EDARADD: variants seen among roughly 807,000 people sequenced by gnomAD.
EDARADD encodes ectodysplasin-A receptor-associated adapter protein.
EDARADD carries 20 observed loss-of-function variants against 25.6 expected under a neutral mutation model. That is an observed-to-expected ratio of 0.78 (90% CI 0.55 to 1.14). EDARADD has a LOEUF of 1.14. Ranked by LOEUF, EDARADD falls within the 50% of genes most tolerant of loss-of-function variation. The pLI, the probability that EDARADD is intolerant of heterozygous loss-of-function variation, is 0.00. For synonymous variants in EDARADD, 86 were observed against 94.4 expected, an observed-to-expected ratio of 0.91 and a Z score of 0.52; for missense variants, 225 against 270.1, an observed-to-expected ratio of 0.83 and a Z score of 1.17.
Position 236,377,123 on chromosome 1 carries a change from T to G in EDARADD, c.-6+26284T>G, listed in dbSNP as rs12075632. ...TTACAGCCCTTAACATATATATATT[T>G]TATATATATATATGTTATATATTTT... On this transcript the variant is annotated intron_variant, in intron 3 of 7. Transcript: ENST00000439430. 3.5e-3 allele frequency among the ~76,000 whole-genome samples: 509 copies of G among 146,896 alleles called. 4 individuals are homozygous for G. Among genetic ancestry groups the G allele is most frequent in the African/African-American group, 0.011 (457 of 40,252 alleles).
Position 236,398,124 on chromosome 1 carries a change from TTTA to T in EDARADD, c.61+3631_61+3633del, listed in dbSNP as rs1215958961. 6.6e-6 allele frequency among the ~76,000 whole-genome samples: 1 copy of T among 152,086 alleles called. No individual in the cohort carries two copies. Among genetic ancestry groups the T allele is most frequent in the Non-Finnish European group, 1.5e-5 (1 of 68,032 alleles). On this transcript the variant is annotated intron_variant, in intron 1 of 5. Transcript: ENST00000334232. The surrounding 1 kb of genome is among the most constrained non-coding windows in gnomAD (Gnocchi z 4.1). ...TGCCAGGGCCATCTTTTATTTTATT[TTTA>T]TTATTATTATTTTTCAAGATGGAGT...
intron 4 of EDARADD, among the ~76,000 whole-genome samples, chr1:236,462,643 A>C (rs1046530312): frequency 2.6e-5 from 4 of 152,142 alleles, no homozygotes; most frequent in African/African-American, 9.7e-5. Flanking sequence ...CTTAGTACCC[A>C]GAGCTTTCAG....
At chr1:236,461,316 G>T (rs1283541180) in intron 4 of EDARADD, among the ~76,000 whole-genome samples, 1 of 152,170 alleles carries the variant, frequency 6.6e-6, no homozygotes, top group South Asian at 2.1e-4. Flanking sequence ...CATTGATTTT[G>T]ATTTGATTTT....
At chr1:236,449,452 T>G (rs991383004) in intron 4 of EDARADD, among the ~76,000 whole-genome samples, 1 of 152,210 alleles carries the variant, frequency 6.6e-6, no homozygotes, top group Non-Finnish European at 1.5e-5. Flanking sequence ...GATGAATACA[T>G]AAGTCTTAGC....
intron 3 of EDARADD, among the ~76,000 whole-genome samples, chr1:236,415,222 C>T (rs1014067133): frequency 8.5e-5 from 13 of 152,060 alleles, no homozygotes; most frequent in Non-Finnish European, 1.6e-4. Flanking sequence ...GCCTTGAGAT[C>T]GGGTCGGGGA....
chr1:236,468,387 G>A (rs552499911), intron 5 of EDARADD, 111 bp downstream of exon 5: 34 of 1,122,414 alleles, frequency 3.0e-5, no homozygotes, highest in Non-Finnish European at 4.6e-5. Flanking sequence ...ACTTTGGGAG[G>A]CCAAGGTGGG....
At position 236,483,443 on chromosome 1, in the gene EDARADD, T is replaced by G. The variant is rs879044335; in HGVS notation, c.*794T>G. Reference sequence around the variant, plus strand: ...CAGAACAAGAGAAGATTGACAAACTTATGATAGAGATGGATGGAACAGAAA... The same window carrying G: ...CAGAACAAGAGAAGATTGACAAACTGATGATAGAGATGGATGGAACAGAAA... On this transcript the variant is annotated 3_prime_UTR_variant, in exon 6 of 6. Transcript: ENST00000334232. 6.5e-6 allele frequency: 7 copies of G among 1,076,760 alleles called. No homozygotes were observed. Among genetic ancestry groups the G allele is most frequent in the South Asian group, 1.2e-5 (1 of 80,370 alleles). The allele number at this position is 1,076,760 out of a possible 1,614,324, so 66.7% of individuals were successfully genotyped here.
In EDARADD at chr1:236,482,568, C is replaced by G. The variant is rs373028114; in HGVS notation, c.567C>G (p.Ala189=). The G allele has an allele frequency of 2.5e-6, 4 of 1,613,428 alleles. No individual in the cohort carries two copies. The South Asian group carries it at 4.4e-5, about 18-fold the overall frequency. The change falls in exon 6 of 6, where the codon GCC becomes GCG. Residue 189 remains alanine (A), a synonymous_variant. Coordinates refer to ENST00000334232, the MANE Select transcript of EDARADD (RefSeq NM_145861.4). ...LMELCRLYHR[A]DVEKVLRRWV... ...AGCTCTGCAGGCTCTACCACAGGGC[C>G]GACGTGGAGAAGGTTCTGCGCAGGT...
At chr1:236,428,955 G>A (rs367763480) in intron 4 of EDARADD, among the ~76,000 whole-genome samples, 20 of 152,208 alleles carry the variant, frequency 1.3e-4, no homozygotes, top group South Asian at 6.2e-4. Flanking sequence ...CCAACAGGGC[G>A]AAACCCCGTC....
chr1:236,368,825 A>G (rs756259562), intron 3 of EDARADD, among the ~76,000 whole-genome samples: 5 of 152,104 alleles, frequency 3.3e-5, no homozygotes, highest in South Asian at 2.1e-4. Context: ...TTATATTTCT[A>G]TTTCTTTTAA....
chr1:236,378,022 C>G (rs1667246465), intron 3 of EDARADD, among the ~76,000 whole-genome samples: 1 of 152,042 alleles, frequency 6.6e-6, no homozygotes, highest in South Asian at 2.1e-4. Context: ...GAGAAGCTTT[C>G]CCTAGTGCTA....
At chr1:236,379,897 G>A (rs1445296) in intron 3 of EDARADD, among the ~76,000 whole-genome samples, 128,566 of 152,262 alleles carry the variant, frequency 0.84, 54,594 homozygotes, top group Middle Eastern at 0.94. Context: ...ATACAATTGA[G>A]CTAAATTTAT....
chr1:236,464,667 G>A (rs762251736), intron 4 of EDARADD, among the ~76,000 whole-genome samples: 3 of 151,704 alleles, frequency 2.0e-5, no homozygotes, highest in Non-Finnish European at 2.9e-5. Context: ...TCCTGACCTC[G>A]GGCGATTGGC....
chr1:236,463,441 A>C (rs1033793377), intron 4 of EDARADD, among the ~76,000 whole-genome samples: 2 of 152,046 alleles, frequency 1.3e-5, no homozygotes, highest in South Asian at 2.1e-4. Context: ...TTACAGGTGC[A>C]CACCACCACG....
At chr1:236,423,985 A>G (rs1657844791) in intron 3 of EDARADD, among the ~76,000 whole-genome samples, 1 of 151,974 alleles carries the variant, frequency 6.6e-6, no homozygotes, top group African/African-American at 2.4e-5. Context: ...CGGCACCTGT[A>G]ATCCTAGCTT....
chr1:236,458,880 G>T (rs189240801), intron 4 of EDARADD, among the ~76,000 whole-genome samples: 11 of 152,046 alleles, frequency 7.2e-5, no homozygotes, highest in Admixed American at 1.3e-4. Flanking sequence ...GAGCTCAGGC[G>T]ATCTGCCTGC....
intron 3 of EDARADD, among the ~76,000 whole-genome samples, chr1:236,415,427 C>T (rs1202507571): frequency 6.6e-6 from 1 of 152,148 alleles, no homozygotes; most frequent in Non-Finnish European, 1.5e-5. Flanking sequence ...GGGTGGTCAG[C>T]AGGGCTATGT....
chr1:236,451,290 G>T (rs597897), intron 4 of EDARADD, among the ~76,000 whole-genome samples: 7 of 151,866 alleles, frequency 4.6e-5, no homozygotes, highest in Non-Finnish European at 7.4e-5. Context: ...CTTTCTCCTC[G>T]GTAAAATGGA....
intron 1 of EDARADD, among the ~76,000 whole-genome samples, chr1:236,405,025 C>T (rs967132712): frequency 6.6e-6 from 1 of 150,886 alleles, no homozygotes; most frequent in Non-Finnish European, 1.5e-5. Context: ...ACTCAGGAGG[C>T]GGAGATTGGA....
Sources: allele counts gnomAD v4.1 joint callset (sites outside exome capture counted in the v4.1 genomes callset), GRCh38; gene constraint gnomAD v4.1.1; non-coding constraint Gnocchi (gnomAD v3.1); transcripts MANE v1.5; gene names NCBI Gene and HGNC (gene_info 2026-07-23, HGNC 2026-07-21).